PLA2G4E: variants seen among roughly 807,000 people sequenced by gnomAD.
The protein encoded by PLA2G4E is phospholipase A2 group IVE.
In PLA2G4E, 84 loss-of-function variants were observed where a neutral mutation model predicts 109.1. The ratio of observed to expected loss-of-function variants is 0.77; its 90% CI spans 0.65 to 0.92. PLA2G4E has a LOEUF of 0.92. PLA2G4E is among the 40% of genes least tolerant of loss of function. The pLI is 0.00. For missense variants in PLA2G4E, 1,057 were observed against 1,076.6 expected (o/e 0.98, Z 0.25); for synonymous variants, 469 against 436.1 (o/e 1.08, Z -0.94).
chr15:42,046,567 T>C (rs1889420218), intron 1 of PLA2G4E, among the ~76,000 whole-genome samples: 1 of 152,212 alleles, frequency 6.6e-6, no homozygotes, highest in Non-Finnish European at 1.5e-5. Context: ...TGCCTGTCAC[T>C]CGCTGTCACA....
intron 1 of PLA2G4E, among the ~76,000 whole-genome samples, chr15:42,046,397 G>T (rs571494892): frequency 8.5e-5 from 13 of 152,322 alleles, no homozygotes; most frequent in African/African-American, 2.9e-4. Flanking sequence ...CTGCTCTCCA[G>T]TCACCCTGGT....
chr15:41,990,207 C>T (rs553176844), exon 14 of PLA2G4E: 65 of 1,613,520 alleles, frequency 4.0e-5, no homozygotes, highest in Middle Eastern at 3.3e-4. Flanking sequence ...CAAAGCAGCA[C>T]GCTGATCTGA....
intron 1 of PLA2G4E, among the ~76,000 whole-genome samples, chr15:42,041,582 A>G (rs1330141478): frequency 6.6e-6 from 1 of 152,154 alleles, no homozygotes; most frequent in Non-Finnish European, 1.5e-5. Flanking sequence ...TCCCCAGGAG[A>G]CCCATTGAAG....
intron 1 of PLA2G4E, among the ~76,000 whole-genome samples, chr15:42,040,360 A>G (rs1051286753): frequency 5.3e-5 from 8 of 151,606 alleles, no homozygotes; most frequent in Non-Finnish European, 1.5e-5. Context: ...TGAAAAAATA[A>G]GTTTTCTGAA....
At position 41,986,018 on chromosome 15, in the gene PLA2G4E, C is replaced by G. The variant is rs1337081461; in HGVS notation, c.2036-13G>C. 74 of 1,580,712 alleles carry G rather than the reference C, an allele frequency of 4.7e-5. 1 individual carries two copies. Among genetic ancestry groups the G allele is most frequent in the Non-Finnish European group, 6.2e-5 (72 of 1,162,086 alleles). ...TCTAGCACTGTGTCTGAAAGCCAAG[C>G]CTTCCCGTTACCAACACACCTGGTG... is the stretch of plus-strand genomic sequence containing the variant. On this transcript the variant is annotated splice_polypyrimidine_tract_variant and intron_variant, in intron 17 of 19. Coordinates refer to ENST00000399518, the Ensembl canonical transcript of PLA2G4E.
At chr15:42,000,972 C>T (rs1426153067) in intron 7 of PLA2G4E, among the ~76,000 whole-genome samples, 185 bp downstream of exon 7, 1 of 152,144 alleles carries the variant, frequency 6.6e-6, no homozygotes, top group East Asian at 1.9e-4. Flanking sequence ...ACGCCCTTTA[C>T]AGAGCAGGAT....
chr15:41,995,558 T>G lies in PLA2G4E; in HGVS notation c.1111-62A>C. 3 of 1,591,022 alleles carry G rather than the reference T, an allele frequency of 1.9e-6. 1 individual carries two copies. Among genetic ancestry groups the G allele is most frequent in the East Asian group, 2.3e-5 (1 of 44,412 alleles). ...CCAGAAGCAAAGCTTGGGAGAAGAC[T>G]TAGAATGACGGCAACTTTGAAAGAA... On this transcript the variant is annotated intron_variant, in intron 11 of 19. Transcript: ENST00000399518.
intron 6 of PLA2G4E, 66 bp from the exon 7 acceptor site, chr15:42,001,286 G>A (rs147300768): frequency 2.1e-6 from 3 of 1,427,770 alleles, no homozygotes; most frequent in Non-Finnish European, 3.0e-6. Context: ...CTTCCAGGCT[G>A]AAGGGAGATG....
At chr15:42,007,546 G>A (rs1323818320) in intron 3 of PLA2G4E, among the ~76,000 whole-genome samples, 183 bp downstream of exon 3, 1 of 152,150 alleles carries the variant, frequency 6.6e-6, no homozygotes, top group Non-Finnish European at 1.5e-5. Flanking sequence ...CTCAGAGAGG[G>A]GCAAACATGA....
At chr15:41,984,003 ACT>A (rs1472802587) in intron 19 of PLA2G4E, 29 bp from the exon 20 acceptor site, 1 of 1,563,194 alleles carries the variant, frequency 6.4e-7, no homozygotes. Flanking sequence ...CTTGTTATAG[ACT>A]CTGTCATGTT....
chr15:42,016,075 C>T (rs939771277), intron 1 of PLA2G4E, among the ~76,000 whole-genome samples: 2 of 152,108 alleles, frequency 1.3e-5, no homozygotes, highest in African/African-American at 4.8e-5. Flanking sequence ...CGACATGCGA[C>T]CCTGAATGTT....
At chr15:42,021,263 GC>G (rs1233028850) in intron 1 of PLA2G4E, among the ~76,000 whole-genome samples, 1 of 151,878 alleles carries the variant, frequency 6.6e-6, no homozygotes, top group Non-Finnish European at 1.5e-5. Context: ...GCAGTCTGTA[GC>G]CCCCAGCCAC....
intron 1 of PLA2G4E, among the ~76,000 whole-genome samples, chr15:42,016,676 C>T (rs1337934565): frequency 2.0e-5 from 3 of 152,166 alleles, no homozygotes; most frequent in African/African-American, 7.2e-5. Flanking sequence ...AATGCTGATT[C>T]TGGGAAGGTC....
intron 2 of PLA2G4E, among the ~76,000 whole-genome samples, chr15:42,012,115 T>G (rs1267905659): frequency 1.3e-5 from 2 of 152,348 alleles, no homozygotes; most frequent in African/African-American, 2.4e-5. Flanking sequence ...GGAATCCTGC[T>G]TGGTCCCTTT....
intron 9 of PLA2G4E, 76 bp downstream of exon 9, chr15:41,999,841 A>G: frequency 1.4e-6 from 2 of 1,438,500 alleles, no homozygotes; most frequent in Admixed American, 3.9e-5. Context: ...GTACCTCCCC[A>G]GGCTCTCCCC....
intron 1 of PLA2G4E, among the ~76,000 whole-genome samples, chr15:42,034,636 G>C (rs150437050): frequency 6.6e-6 from 1 of 152,124 alleles, no homozygotes; most frequent in African/African-American, 2.4e-5. Context: ...CTCCTCCTCT[G>C]CCCCCTCCTC....
At chr15:41,997,325 A>G (rs754378299) in intron 10 of PLA2G4E, 66 bp from the exon 11 acceptor site, 15 of 1,420,290 alleles carry the variant, frequency 1.1e-5, no homozygotes, top group Non-Finnish European at 1.4e-5. Flanking sequence ...ACACAGCTTC[A>G]GGGTCCATTG....
chr15:42,000,879 G>T (rs72726064), intron 7 of PLA2G4E, among the ~76,000 whole-genome samples: 11,261 of 152,256 alleles, frequency 0.074, 582 homozygotes, highest in South Asian at 0.16. Flanking sequence ...GCATGGCACA[G>T]CACAGACAAG....
At chr15:42,006,162 G>T in intron 3 of PLA2G4E, 41 bp from the exon 4 acceptor site, 1 of 1,609,264 alleles carries the variant, frequency 6.2e-7, no homozygotes, top group Non-Finnish European at 8.5e-7. Context: ...TACCACGGTT[G>T]CATTGACCCC....
Sources: gnomAD v4.1 joint callset for allele counts (sites outside exome capture counted in the v4.1 genomes callset) on GRCh38, gnomAD v4.1.1 for gene constraint, MANE v1.5 for transcripts, NCBI Gene and HGNC (gene_info 2026-07-23, HGNC 2026-07-21) for gene names.